Variants in CD2AP observed in about 807,000 individuals in gnomAD.
CD2AP encodes CD2-associated protein.
A neutral mutation model predicts 85.1 loss-of-function variants in CD2AP; 46 were observed. The ratio of observed to expected loss-of-function variants is 0.54; its 90% CI spans 0.43 to 0.69. CD2AP has a LOEUF of 0.69. CD2AP is among the 30% of genes least tolerant of loss of function. The pLI, the probability that CD2AP is intolerant of heterozygous loss-of-function variation, is 0.00. For missense variants in CD2AP, 769 were observed against 729.5 expected (o/e 1.05, Z -0.62); for synonymous variants, 255 against 252.9 (o/e 1.01, Z -0.08).
At chr6:47,485,776 C>A (rs1487921572) in intron 1 of CD2AP, among the ~76,000 whole-genome samples, 1 of 152,120 alleles carries the variant, frequency 6.6e-6, no homozygotes, top group Non-Finnish European at 1.5e-5. Context: ...TTTTACTATA[C>A]CTTTTTTATG....
intron 3 of CD2AP, among the ~76,000 whole-genome samples, chr6:47,543,167 A>AAAAAAG (rs1190866900): frequency 1.4e-5 from 2 of 143,986 alleles, no homozygotes; most frequent in Non-Finnish European, 3.1e-5. Context: ...AAAAAAAAAA[A>AAAAAAG]AAAAAGAAAA....
chr6:47,510,217 T>A (rs1191731054), intron 2 of CD2AP, among the ~76,000 whole-genome samples: 2 of 152,210 alleles, frequency 1.3e-5, no homozygotes, highest in East Asian at 1.9e-4. Flanking sequence ...CAGGAATGGT[T>A]TTGTATATAT....
intron 4 of CD2AP, among the ~76,000 whole-genome samples, chr6:47,554,348 CAGTAT>C (rs976342005): frequency 2.7e-4 from 41 of 152,284 alleles, no homozygotes; most frequent in African/African-American, 9.6e-4. Context: ...GCTGTTAATA[CAGTAT>C]ATATGGTTAT....
intron 5 of CD2AP, among the ~76,000 whole-genome samples, chr6:47,559,051 G>A (rs1053976678): frequency 6.6e-6 from 1 of 151,948 alleles, no homozygotes; most frequent in African/African-American, 2.4e-5. Flanking sequence ...TTTTAGTCTT[G>A]GGAAGGTTTA....
In CD2AP at chr6:47,626,208, T is replaced by C. The variant is rs1405937921; in HGVS notation, c.*1981T>C. 1 of 151,924 alleles carries C rather than the reference T, an allele frequency of 6.6e-6. No individual in the cohort carries two copies. Among genetic ancestry groups the C allele is most frequent in the Non-Finnish European group, 1.5e-5 (1 of 67,834 alleles). The allele number at this position is 151,924 out of a possible 1,614,324, so 9.4% of individuals were successfully genotyped here. Reference sequence around the variant, plus strand: ...CAAGATGCTTATGAGCATGGAAATGTATTTAAAGTTTTTGCTTGTGTCCTC... The same window carrying C: ...CAAGATGCTTATGAGCATGGAAATGCATTTAAAGTTTTTGCTTGTGTCCTC... On this transcript the variant is annotated 3_prime_UTR_variant, in exon 18 of 18. Transcript: ENST00000359314.
chr6:47,566,803 T>C (rs1250681981), intron 5 of CD2AP, among the ~76,000 whole-genome samples: 1 of 152,244 alleles, frequency 6.6e-6, no homozygotes, highest in Non-Finnish European at 1.5e-5. Flanking sequence ...CTCATTCCTT[T>C]TTATGGCTGC....
At chr6:47,508,415 C>T (rs1375223303) in intron 2 of CD2AP, among the ~76,000 whole-genome samples, 1 of 152,194 alleles carries the variant, frequency 6.6e-6, no homozygotes, top group Non-Finnish European at 1.5e-5. Context: ...TCTGCAACTT[C>T]CTGACCTCTC....
At chr6:47,617,989 C>T (rs186420540) in intron 17 of CD2AP, among the ~76,000 whole-genome samples, 8 of 152,226 alleles carry the variant, frequency 5.3e-5, no homozygotes, top group Admixed American at 5.2e-4. Flanking sequence ...CAAACAATTA[C>T]CTTCATTAAA....
At position 47,517,285 on chromosome 6, in the gene CD2AP, T is replaced by C. The variant is rs187776595; in HGVS notation, c.165+13845T>C. 4.1e-4 allele frequency among the ~76,000 whole-genome samples: 55 copies of C among 134,926 alleles called. No individual in the cohort carries two copies. In the East Asian group the frequency reaches 0.011, roughly 27 times the overall value. The allele number at this position is 134,926 out of a possible 152,430, so 88.5% of individuals were successfully genotyped here. ...CAGAACTGTGAGCCAATTAAACTTC[T>C]TTTTTTTTTTTTTTGGAGGCGGTTT... On this transcript the variant is annotated intron_variant, in intron 2 of 17. Transcript: ENST00000359314.
At chr6:47,574,287 A>G (rs1180051682) in intron 6 of CD2AP, 36 bp downstream of exon 6, 1 of 1,550,296 alleles carries the variant, frequency 6.5e-7, no homozygotes. Flanking sequence ...AACTCCACTC[A>G]TTCTCTCATT....
intron 2 of CD2AP, among the ~76,000 whole-genome samples, chr6:47,507,543 G>A (rs754117514): frequency 7.2e-5 from 11 of 151,888 alleles, no homozygotes; most frequent in African/African-American, 2.2e-4. Flanking sequence ...GATTCTCCTC[G>A]CCTCCCTAGT....
intron 17 of CD2AP, among the ~76,000 whole-genome samples, chr6:47,613,864 C>T (rs1482017248): frequency 6.6e-6 from 1 of 152,206 alleles, no homozygotes; most frequent in East Asian, 1.9e-4. Flanking sequence ...CCCGTCTTAG[C>T]TAGATCTTCT....
Position 47,589,565 on chromosome 6 carries a change from C to CACACACATATATATAT in CD2AP, c.1109-6295_1109-6294insCACACATATATATATA, listed in dbSNP as rs139814970. 7.9e-3 allele frequency among the ~76,000 whole-genome samples: 956 copies of CACACACATATATATAT among 120,926 alleles called. 18 individuals are homozygous for CACACACATATATATAT. The highest frequency in any genetic ancestry group is 0.026 in the African/African-American group (867 of 33,590). The allele number at this position is 120,926 out of a possible 152,430, so 79.3% of individuals were successfully genotyped here. A position where few individuals can be genotyped will look rare whatever the true frequency, so the allele number is the denominator to read the frequency against. On this transcript the variant is annotated intron_variant, in intron 11 of 17. Coordinates refer to ENST00000359314, the MANE Select transcript of CD2AP (RefSeq NM_012120.3). ...ACACATATATATACACACACACACA[C>CACACACATATATATAT]ATATATATATATATATTTGTCAGAG...
chr6:47,577,160 A>T, intron 8 of CD2AP, 57 bp downstream of exon 8: 3 of 952,144 alleles, frequency 3.2e-6, no homozygotes, highest in Non-Finnish European at 5.2e-6. Context: ...AATATTTTTC[A>T]AAAGTTATAC....
chr6:47,610,972 T>TATATATATATA lies in CD2AP; in HGVS notation c.1815-1501_1815-1500insATATATATATA, dbSNP rs1491427733. ...ATTTATATATATATATATATATGTA[T>TATATATATATA]TTTTTTTTTTTTTTGAATATAAAAC... On this transcript the variant is annotated intron_variant, in intron 16 of 17. Transcript: ENST00000359314. 2.5e-3 allele frequency among the ~76,000 whole-genome samples: 142 copies of TATATATATATA among 56,258 alleles called. 2 individuals are homozygous for TATATATATATA. The highest frequency in any genetic ancestry group is 0.017 in the East Asian group (14 of 846). 36.9% of individuals were successfully genotyped at this position (56,258 alleles called of 152,430 possible). A position where few individuals can be genotyped will look rare whatever the true frequency, so the allele number is the denominator to read the frequency against.
chr6:47,503,534 T>C lies in CD2AP; in HGVS notation c.165+94T>C. 5.3e-6 allele frequency: 6 copies of C among 1,127,820 alleles called. No homozygotes were observed. In the South Asian group the frequency reaches 5.5e-5, roughly 10 times the overall value. 69.9% of individuals were successfully genotyped at this position (1,127,820 alleles called of 1,614,324 possible). On this transcript the variant is annotated intron_variant, in intron 2 of 17. Coordinates refer to ENST00000359314, the MANE Select transcript of CD2AP (RefSeq NM_012120.3). ...ATATACTTTTAAAATTAAAATGTTT[T>C]AGATAAATGTTTTCTTTGTAACATT...
In CD2AP at chr6:47,533,746, A is replaced by G. The variant is rs763045932; in HGVS notation, c.310A>G (p.Ile104Val). ...GIQPHPQTKN[I>V]KKKTKKRQCK... is the part of the protein sequence containing the mutation. The stretch of plus-strand genomic sequence containing the variant: ...TCAGCCACATCCACAAACCAAAAAC[A>G]TTAAGAAGAGTATGTAAATAATTCC... The change falls in exon 3 of 18, where the codon ATT becomes GTT. Residue 104 changes from isoleucine (I) to valine (V), a missense_variant. Coordinates refer to ENST00000359314, the MANE Select transcript of CD2AP (RefSeq NM_012120.3). The G allele has an allele frequency of 9.3e-6, 15 of 1,613,872 alleles. No individual in the cohort carries two copies. The highest frequency in any genetic ancestry group is 1.6e-4 in the Middle Eastern group (1 of 6,082).
intron 17 of CD2AP, among the ~76,000 whole-genome samples, chr6:47,620,344 C>T (rs944605001): frequency 3.3e-5 from 5 of 152,090 alleles, no homozygotes; most frequent in East Asian, 1.9e-4. Flanking sequence ...TTTGCTTTGT[C>T]GAGGATCAGT....
chr6:47,584,520 C>T (rs1768568730), intron 11 of CD2AP, among the ~76,000 whole-genome samples: 2 of 151,674 alleles, frequency 1.3e-5, no homozygotes, highest in Admixed American at 1.3e-4. Flanking sequence ...AAATTCAAGG[C>T]CCTCCAGTAA....
Sources: gnomAD v4.1 joint callset for allele counts (sites outside exome capture counted in the v4.1 genomes callset) on GRCh38, gnomAD v4.1.1 for gene constraint, MANE v1.5 for transcripts, NCBI Gene and HGNC (gene_info 2026-07-23, HGNC 2026-07-21) for gene names.